The following TMEFF2 variants were observed in gnomAD, a reference collection of about 807,000 sequenced individuals.
TMEFF2 encodes the protein tomoregulin-2.
In TMEFF2, 28 loss-of-function variants were observed where a neutral mutation model predicts 53.8. The ratio of observed to expected loss-of-function variants is 0.52; its 90% CI spans 0.39 to 0.71. The LOEUF (loss-of-function observed/expected upper bound fraction) is 0.71. TMEFF2 is among the 30% of genes least tolerant of loss of function. The pLI is 0.00. For missense variants in TMEFF2, 353 were observed against 455.2 expected (o/e 0.78, Z 2.04); for synonymous variants, 162 against 166.3 (o/e 0.97, Z 0.20).
chr2:192,186,335 ATG>A (rs1407939925), intron 2 of TMEFF2, among the ~76,000 whole-genome samples: 1 of 152,130 alleles, frequency 6.6e-6, no homozygotes, highest in South Asian at 2.1e-4. Flanking sequence ...CAGGAGCAAA[ATG>A]CCTGTAAGAT....
chr2:192,109,596 AGACT>A (rs575822676), intron 4 of TMEFF2, among the ~76,000 whole-genome samples: 20 of 152,292 alleles, frequency 1.3e-4, no homozygotes, highest in African/African-American at 2.9e-4. Context: ...GCTTCAAGAC[AGACT>A]GACTGTCAGG....
At chr2:192,096,549 T>C (rs958559569) in intron 4 of TMEFF2, among the ~76,000 whole-genome samples, 8 of 152,102 alleles carry the variant, frequency 5.3e-5, no homozygotes, top group Non-Finnish European at 1.0e-4. Flanking sequence ...AAATTGAGTG[T>C]ATATTTAAAT....
chr2:192,003,791 A>C (rs563502768), intron 5 of TMEFF2, among the ~76,000 whole-genome samples: 1 of 152,274 alleles, frequency 6.6e-6, no homozygotes, highest in Admixed American at 6.5e-5. Context: ...GAAATTACAA[A>C]ATTAGAGAGT....
chr2:192,120,123 C>A (rs972771755), intron 4 of TMEFF2, among the ~76,000 whole-genome samples: 6 of 152,142 alleles, frequency 3.9e-5, no homozygotes, highest in Non-Finnish European at 2.9e-5. Context: ...GGGCAAATTT[C>A]CAAATTTCTA....
intron 4 of TMEFF2, among the ~76,000 whole-genome samples, chr2:192,061,319 T>A (rs1195434598): frequency 1.3e-5 from 2 of 151,956 alleles, no homozygotes; most frequent in Non-Finnish European, 2.9e-5. Context: ...GGTTCCCCAT[T>A]CACAAATTCA....
At chr2:191,990,318 G>T (rs552178872) in intron 7 of TMEFF2, among the ~76,000 whole-genome samples, 1 of 152,144 alleles carries the variant, frequency 6.6e-6, no homozygotes, top group South Asian at 2.1e-4. Context: ...TCATTAAGAT[G>T]TGAGAACTGC....
chr2:192,075,312 T>TATATAAATATAA (rs1688399464), intron 4 of TMEFF2, among the ~76,000 whole-genome samples: 1 of 105,778 alleles, frequency 9.5e-6, no homozygotes. Flanking sequence ...TATATATATA[T>TATATAAATATAA]ATATATATAT....
chr2:191,951,100 AT>A (rs1414467173), intron 9 of TMEFF2, among the ~76,000 whole-genome samples: 1 of 152,140 alleles, frequency 6.6e-6, no homozygotes, highest in Middle Eastern at 3.2e-3. Context: ...ATCAGAATAT[AT>A]AAAAATATAT....
intron 7 of TMEFF2, among the ~76,000 whole-genome samples, chr2:191,962,297 C>T (rs1692296348): frequency 6.6e-6 from 1 of 152,146 alleles, no homozygotes; most frequent in African/African-American, 2.4e-5. Flanking sequence ...CTTCATTCCA[C>T]CATTGATAGG....
intron 4 of TMEFF2, among the ~76,000 whole-genome samples, chr2:192,111,376 T>C (rs1213387547): frequency 1.3e-5 from 2 of 152,118 alleles, no homozygotes; most frequent in South Asian, 4.1e-4. Context: ...AAGGTAACTA[T>C]TACTATGTTT....
At chr2:191,996,535 C>A (rs1040752740) in intron 7 of TMEFF2, among the ~76,000 whole-genome samples, 1 of 151,766 alleles carries the variant, frequency 6.6e-6, no homozygotes, top group Admixed American at 6.6e-5. Context: ...CAATTAGCCT[C>A]AGACTTTTAT....
chr2:191,972,744 G>A (rs1387153453), intron 7 of TMEFF2, among the ~76,000 whole-genome samples: 2 of 152,042 alleles, frequency 1.3e-5, no homozygotes, highest in African/African-American at 2.4e-5. Context: ...TGCAGTTTTT[G>A]GCTAAAACAT....
At chr2:191,980,645 C>T (rs1321274840) in intron 7 of TMEFF2, among the ~76,000 whole-genome samples, 1 of 152,146 alleles carries the variant, frequency 6.6e-6, no homozygotes, top group African/African-American at 2.4e-5. Context: ...TCACTGCCAC[C>T]CCCAGCGTCT....
At chr2:191,998,010 C>T (rs1686263743) in intron 7 of TMEFF2, among the ~76,000 whole-genome samples, 1 of 151,854 alleles carries the variant, frequency 6.6e-6, no homozygotes, top group Non-Finnish European at 1.5e-5. Flanking sequence ...GTACTATTTG[C>T]ACTGTAAAGA....
chr2:192,116,926 G>A (rs527878843), intron 4 of TMEFF2, among the ~76,000 whole-genome samples: 2 of 138,736 alleles, frequency 1.4e-5, no homozygotes, highest in African/African-American at 5.3e-5. Flanking sequence ...TGGCTCAATA[G>A]TCATTCAGAA....
chr2:192,075,304 T>TATAAATATATATATATATAA (rs1553518792), intron 4 of TMEFF2, among the ~76,000 whole-genome samples: 6 of 17,276 alleles, frequency 3.5e-4, no homozygotes, highest in Non-Finnish European at 1.2e-3. Context: ...TATATATATA[T>TATAAATATATATATATATAA]ATATATATAT....
intron 4 of TMEFF2, among the ~76,000 whole-genome samples, chr2:192,089,667 T>C (rs1433989107): frequency 5.9e-5 from 9 of 152,270 alleles, no homozygotes. Flanking sequence ...ATTTGCACTG[T>C]AGCCGACACA....
intron 4 of TMEFF2, among the ~76,000 whole-genome samples, chr2:192,147,175 G>A (rs149632139): frequency 3.5e-3 from 525 of 152,052 alleles, no homozygotes; most frequent in East Asian, 0.011. Context: ...TGTAGATATA[G>A]TGAAAATATG....
chr2:191,979,447 TTAAGAGGTAG>T (rs1685805243), intron 7 of TMEFF2, among the ~76,000 whole-genome samples: 1 of 152,212 alleles, frequency 6.6e-6, no homozygotes, highest in Admixed American at 6.5e-5. Flanking sequence ...CACAACTGTA[TTAAGAGGTAG>T]TAAAGATGTG....
Sources: allele counts gnomAD v4.1 joint callset (sites outside exome capture counted in the v4.1 genomes callset), GRCh38; gene constraint gnomAD v4.1.1; transcripts MANE v1.5; gene names NCBI Gene and HGNC (gene_info 2026-07-23, HGNC 2026-07-21).